Variants in KIAA0319L observed in about 807,000 individuals in gnomAD.
KIAA0319L encodes the protein dyslexia-associated protein KIAA0319-like protein.
Under a neutral mutation model 120.1 loss-of-function variants are expected in KIAA0319L, and 55 were observed. The observed-to-expected ratio is 0.46, with a 90% CI of 0.37 to 0.57. The LOEUF is 0.57. Among genes scored for constraint, KIAA0319L ranks in the 20% least tolerant of loss-of-function variants. The probability of loss-of-function intolerance (pLI) is 0.00; values close to 1 mark genes in which losing one functional copy is unlikely to be tolerated. For missense variants in KIAA0319L, 1,049 were observed against 1,255.3 expected (o/e 0.84, Z 2.48); for synonymous variants, 398 against 471.9 (o/e 0.84, Z 2.03).
chr1:35,546,692 C>T (rs1646995056), intron 2 of KIAA0319L, among the ~76,000 whole-genome samples: 1 of 152,202 alleles, frequency 6.6e-6, no homozygotes, highest in Non-Finnish European at 1.5e-5. Context: ...CCAACTGTGT[C>T]AGTTTGTCCA....
At chr1:35,499,254 C>T (rs746843310) in intron 3 of KIAA0319L, among the ~76,000 whole-genome samples, 7 of 151,642 alleles carry the variant, frequency 4.6e-5, no homozygotes, top group African/African-American at 7.3e-5. Context: ...TCCCAAAATT[C>T]GTATGTTGAA....
intron 3 of KIAA0319L, among the ~76,000 whole-genome samples, chr1:35,494,075 C>T (rs1398418133): frequency 1.3e-5 from 2 of 152,092 alleles, no homozygotes; most frequent in South Asian, 2.1e-4. Context: ...CAAGATAATT[C>T]TAAAATTTAT....
chr1:35,484,794 ATATATATATATATTT>A (rs1291706172), intron 3 of KIAA0319L, among the ~76,000 whole-genome samples: 18 of 43,872 alleles, frequency 4.1e-4, no homozygotes, highest in African/African-American at 1.9e-3. Flanking sequence ...ATATATATAT[ATATATATATATATTT>A]TTTTTTTTAT....
rs191661465 is a variant in KIAA0319L at position 35,461,668 on chromosome 1, G to A, written c.1294+953C>T. 7.4e-4 allele frequency among the ~76,000 whole-genome samples: 113 copies of A among 152,194 alleles called. 1 individual carries two copies. The highest frequency in any genetic ancestry group is 3.7e-3 in the South Asian group (18 of 4,820). ...GGAAAACCGGACACTTAGGACACACGGATAGTATGATTCTTTTCACTGTAT... is the reference window on the plus strand; with the variant it reads ...GGAAAACCGGACACTTAGGACACACAGATAGTATGATTCTTTTCACTGTAT... On this transcript the variant is annotated intron_variant, in intron 8 of 20. Transcript: ENST00000325722.
At chr1:35,556,409 G>C (rs1430607312) in intron 1 of KIAA0319L, 2 of 152,242 alleles carry the variant, frequency 1.3e-5, no homozygotes, top group East Asian at 3.8e-4. Flanking sequence ...GAGTAATCGA[G>C]AATAAAGCTC....
chr1:35,460,272 C>A (rs1266238035), intron 9 of KIAA0319L, 33 bp downstream of exon 9: 30 of 1,590,864 alleles, frequency 1.9e-5, no homozygotes, highest in Non-Finnish European at 2.5e-5. Flanking sequence ...AAAAAATGGC[C>A]TATGGTAAAC....
At chr1:35,482,880 T>G (rs945835551) in intron 3 of KIAA0319L, among the ~76,000 whole-genome samples, 2 of 152,240 alleles carry the variant, frequency 1.3e-5, no homozygotes, top group African/African-American at 2.4e-5. Context: ...ACCACCAGTG[T>G]ATTTCAGTTA....
intron 3 of KIAA0319L, among the ~76,000 whole-genome samples, chr1:35,496,946 CCAAAAAA>C (rs1644830964): frequency 1.6e-5 from 1 of 64,394 alleles, no homozygotes; most frequent in Admixed American, 2.4e-4. Flanking sequence ...GATTGTGTCT[CCAAAAAA>C]AAAAAAAAAA....
At chr1:35,460,474 C>T (rs72659616) in intron 8 of KIAA0319L, 37 bp from the exon 9 acceptor site, 32,506 of 1,604,010 alleles carry the variant, frequency 0.02, 419 homozygotes, top group Middle Eastern at 0.033. Flanking sequence ...AACATGAGAA[C>T]GCTTGGTCTT....
intron 2 of KIAA0319L, among the ~76,000 whole-genome samples, chr1:35,549,687 T>C (rs1647125850): frequency 2.6e-5 from 4 of 152,204 alleles, no homozygotes; most frequent in African/African-American, 7.2e-5. Flanking sequence ...CATTCTTTCT[T>C]TGTATGTGTT....
intron 10 of KIAA0319L, 187 bp from the exon 11 acceptor site, chr1:35,454,672 T>TC: frequency 7.3e-7 from 1 of 1,371,250 alleles, no homozygotes; most frequent in Non-Finnish European, 9.4e-7. Flanking sequence ...GCTAAGGGTT[T>TC]CCCCCTTCAA....
chr1:35,518,997 AG>A (rs1357852272), intron 2 of KIAA0319L, among the ~76,000 whole-genome samples: 1 of 150,596 alleles, frequency 6.6e-6, no homozygotes, highest in Non-Finnish European at 1.5e-5. Flanking sequence ...AAAAAAAAAA[AG>A]GCTTCCTTGC....
chr1:35,553,421 A>G (rs1212981546), intron 2 of KIAA0319L, among the ~76,000 whole-genome samples: 1 of 152,146 alleles, frequency 6.6e-6, no homozygotes, highest in Non-Finnish European at 1.5e-5. Context: ...TAATTATGCA[A>G]TCATCAACCA....
chr1:35,540,711 T>C (rs1012268070), intron 2 of KIAA0319L, among the ~76,000 whole-genome samples: 63 of 152,202 alleles, frequency 4.1e-4, no homozygotes, highest in African/African-American at 1.4e-3. Flanking sequence ...AGACATCAAA[T>C]TGTCTAGTCT....
intron 9 of KIAA0319L, 45 bp downstream of exon 9, chr1:35,460,259 GC>G (rs112965542): frequency 4.6e-5 from 71 of 1,533,578 alleles, no homozygotes; most frequent in Non-Finnish European, 5.3e-5. Context: ...CCCACGAGAG[GC>G]AAAAAAATGG....
chr1:35,468,151 T>TTTTC lies in KIAA0319L; in HGVS notation c.1114-1460_1114-1457dup, dbSNP rs558118982. 3.5e-4 allele frequency among the ~76,000 whole-genome samples: 53 copies of TTTTC among 152,262 alleles called. No homozygotes were observed. In the South Asian group the frequency reaches 3.5e-3, roughly 10 times the overall value. On this transcript the variant is annotated intron_variant, in intron 6 of 20. Coordinates refer to ENST00000325722, the MANE Select transcript of KIAA0319L (RefSeq NM_024874.5). Reference sequence around the variant, plus strand: ...ACATCTTCCAGGCAAATGTTTTTTTTTTTCTTTCTTTCTTTCTTTTGAAGT... The same window carrying TTTTC: ...ACATCTTCCAGGCAAATGTTTTTTTTTTTCTTTCTTTCTTTCTTTCTTTTGAAGT...
At chr1:35,480,099 G>A (rs151062934) in intron 3 of KIAA0319L, among the ~76,000 whole-genome samples, 11 of 152,112 alleles carry the variant, frequency 7.2e-5, no homozygotes, top group Non-Finnish European at 1.3e-4. Flanking sequence ...CTGAGTTTTA[G>A]AGGATAAACA....
In KIAA0319L at chr1:35,434,974, GT is replaced by G. The variant is rs746172922; in HGVS notation, c.3069del (p.Lys1023AsnfsTer17). 2.5e-6 allele frequency: 4 copies of G among 1,614,202 alleles called. No homozygotes were observed. Among genetic ancestry groups the G allele is most frequent in the Non-Finnish European group, 2.5e-6 (3 of 1,180,042 alleles). On this transcript the variant is annotated frameshift_variant, in exon 21 of 21. Coordinates refer to ENST00000325722, the MANE Select transcript of KIAA0319L (RefSeq NM_024874.5). LOFTEE classifies it high-confidence loss of function. ...ACAGAGCCATTCTGACCATGCAGGAGTTTGCCCTTCTCTCGGTCTGGCCATG... is the reference window on the plus strand; with the variant it reads ...ACAGAGCCATTCTGACCATGCAGGAGTTGCCCTTCTCTCGGTCTGGCCATG... ...IFTWPDREKG[K>X]LLHGQNGSVP...
At chr1:35,535,076 G>A (rs1646522475) in intron 2 of KIAA0319L, among the ~76,000 whole-genome samples, 2 of 103,180 alleles carry the variant, frequency 1.9e-5, no homozygotes, top group South Asian at 3.3e-4. Context: ...TAGCCTGGAA[G>A]ACACAGCAAG....
Sources: gnomAD v4.1 joint callset for allele counts (sites outside exome capture counted in the v4.1 genomes callset) on GRCh38, gnomAD v4.1.1 for gene constraint, MANE v1.5 for transcripts, NCBI Gene and HGNC (gene_info 2026-07-23, HGNC 2026-07-21) for gene names.